Variants in GRM7 observed in about 807,000 individuals in gnomAD.
GRM7 encodes metabotropic glutamate receptor 7.
GRM7 carries 35 observed loss-of-function variants against 84.5 expected under a neutral mutation model. The ratio of observed to expected loss-of-function variants is 0.41; its 90% CI spans 0.32 to 0.55. The LOEUF (loss-of-function observed/expected upper bound fraction) is 0.55. GRM7 is among the 20% of genes least tolerant of loss of function. GRM7 has a pLI of 0.19. For missense variants in GRM7, 1,003 were observed against 1,194.6 expected (o/e 0.84, Z 2.36); for synonymous variants, 487 against 455.1 (o/e 1.07, Z -0.89).
At chr3:7,614,810 C>A (rs1342963157) in intron 8 of GRM7, among the ~76,000 whole-genome samples, 1 of 151,960 alleles carries the variant, frequency 6.6e-6, no homozygotes, top group Non-Finnish European at 1.5e-5. Context: ...TTTAGTCAAC[C>A]CCCTTCCTTA....
At chr3:7,643,653 C>G (rs1261229634) in intron 8 of GRM7, among the ~76,000 whole-genome samples, 1 of 152,040 alleles carries the variant, frequency 6.6e-6, no homozygotes, top group Non-Finnish European at 1.5e-5. Flanking sequence ...CTAACAACAC[C>G]TACAATACAG....
At chr3:7,583,272 A>G (rs1376889344) in intron 8 of GRM7, among the ~76,000 whole-genome samples, 1 of 152,188 alleles carries the variant, frequency 6.6e-6, no homozygotes, top group Non-Finnish European at 1.5e-5. Context: ...TGGGGCTGAG[A>G]ATATCGACCA....
chr3:7,323,820 C>T (rs1700879035), intron 4 of GRM7, among the ~76,000 whole-genome samples: 1 of 152,018 alleles, frequency 6.6e-6, no homozygotes, highest in African/African-American at 2.4e-5. Context: ...TATAATATGC[C>T]AGGTATTATG....
Position 7,579,240 on chromosome 3 carries a change from G to T in GRM7, c.2334G>T (p.Arg778=). ...GTACTGTGTATGCCATCAAGACTCG[G>T]GGTGTACCCGAGAATTTTAACGAAG... ...VTCTVYAIKT[R]GVPENFNEAK... The change falls in exon 8 of 10, where the codon CGG becomes CGT. Residue 778 remains arginine (R), a synonymous_variant. Transcript: ENST00000357716. 6.2e-7 allele frequency: 1 copy of T among 1,613,668 alleles called. No individual in the cohort carries two copies. The highest frequency in any genetic ancestry group is 8.5e-7 in the Non-Finnish European group (1 of 1,179,624).
intron 4 of GRM7, among the ~76,000 whole-genome samples, chr3:7,406,066 C>T (rs1695662439): frequency 6.6e-6 from 1 of 151,994 alleles, no homozygotes; most frequent in African/African-American, 2.4e-5. Context: ...GAATACACTT[C>T]TGAATACTTT....
intron 1 of GRM7, among the ~76,000 whole-genome samples, chr3:7,112,426 A>G (rs1692890238): frequency 6.6e-6 from 1 of 152,018 alleles, no homozygotes; most frequent in South Asian, 2.1e-4. Flanking sequence ...GGGTTTCACC[A>G]TGTTAGCCAG....
chr3:7,146,318 C>A, intron 1 of GRM7, 134 bp from the exon 2 acceptor site: 2 of 681,878 alleles, frequency 2.9e-6, no homozygotes, highest in East Asian at 2.6e-5. Flanking sequence ...TCTAAAATTA[C>A]ATGGTGGTGT....
In GRM7 at chr3:7,411,846, A is replaced by G. The variant is rs188758768; in HGVS notation, c.1034-3177A>G. 2.1e-3 allele frequency among the ~76,000 whole-genome samples: 327 copies of G among 152,242 alleles called. 1 individual carries two copies. Among genetic ancestry groups the G allele is most frequent in the Non-Finnish European group, 3.5e-3 (238 of 68,026 alleles). ...AGAATGGCTGGTTTTTGAAGAATGC[A>G]TATTAGCAATGTTAGTAGATAATGC... On this transcript the variant is annotated intron_variant, in intron 4 of 9. Transcript: ENST00000357716.
rs796785372 is a variant in GRM7 at position 7,103,816 on chromosome 3, T to TTCTCTC, written c.520-42628_520-42623dup. ...TTTCTTTCTTTCTTTCTTTCTTTCT[T>TTCTCTC]TCTCTCTCTCTCTGTCTCTCTCTCC... On this transcript the variant is annotated intron_variant, in intron 1 of 9. Coordinates refer to ENST00000357716, the MANE Select transcript of GRM7 (RefSeq NM_000844.4). Among the ~76,000 whole-genome samples the TTCTCTC allele has an allele frequency of 2.4e-3, 212 of 89,110 alleles. 13 individuals are homozygous for TTCTCTC. Among genetic ancestry groups the TTCTCTC allele is most frequent in the African/African-American group, 9.1e-3 (189 of 20,768 alleles). The allele number at this position is 89,110 out of a possible 152,430, so 58.5% of individuals were successfully genotyped here. A position where few individuals can be genotyped will look rare whatever the true frequency, so the allele number is the denominator to read the frequency against.
At chr3:7,227,331 A>G (rs1212330758) in intron 2 of GRM7, among the ~76,000 whole-genome samples, 2 of 152,218 alleles carry the variant, frequency 1.3e-5, no homozygotes, top group African/African-American at 4.8e-5. Context: ...TCTGTATACA[A>G]TATGTTTATT....
At chr3:7,608,128 G>T (rs62235192) in intron 8 of GRM7, 25,981 of 195,192 alleles carry the variant, frequency 0.13, 2,044 homozygotes, top group Non-Finnish European at 0.16. Flanking sequence ...TATCCACTCT[G>T]TCACTGATGG....
intron 4 of GRM7, among the ~76,000 whole-genome samples, chr3:7,321,324 A>G (rs1220366402): frequency 6.6e-6 from 1 of 152,096 alleles, no homozygotes; most frequent in Non-Finnish European, 1.5e-5. Context: ...TATAAACTTA[A>G]GTGCCTTATG....
At chr3:7,468,477 T>C (rs1191393557) in intron 7 of GRM7, among the ~76,000 whole-genome samples, 1 of 152,186 alleles carries the variant, frequency 6.6e-6, no homozygotes, top group Non-Finnish European at 1.5e-5. Context: ...CATTACATAT[T>C]AATAAATAAT....
chr3:7,455,142 A>G (rs1271802203), intron 6 of GRM7, among the ~76,000 whole-genome samples: 1 of 152,164 alleles, frequency 6.6e-6, no homozygotes, highest in Non-Finnish European at 1.5e-5. Flanking sequence ...TATAACTCAT[A>G]AAATAAATAA....
rs1461920100 is a variant in GRM7, at chr3:7,343,489, C to T, written c.1033+36837C>T. Among the ~76,000 whole-genome samples, 3 of 152,132 alleles carry T rather than the reference C, an allele frequency of 2.0e-5. No individual in the cohort carries two copies. In the East Asian group the frequency reaches 5.8e-4, roughly 29 times the overall value. On this transcript the variant is annotated intron_variant, in intron 4 of 9. Transcript: ENST00000357716. ...TTGGCATCCTAAAGTGCTGGGATTA[C>T]AGGCATAAGCCACTGCTCCTGGCCT...
At chr3:7,110,149 T>G (rs776786241) in intron 1 of GRM7, among the ~76,000 whole-genome samples, 43 of 152,090 alleles carry the variant, frequency 2.8e-4, no homozygotes, top group Non-Finnish European at 4.9e-4. Context: ...GGAAAATCAT[T>G]TAATAGCCAA....
chr3:7,495,735 A>G (rs1425911816), intron 7 of GRM7, among the ~76,000 whole-genome samples: 1 of 152,152 alleles, frequency 6.6e-6, no homozygotes, highest in Non-Finnish European at 1.5e-5. Flanking sequence ...GCATAAACCT[A>G]CCTTGAACGT....
chr3:7,461,890 A>G (rs527240339), intron 7 of GRM7, among the ~76,000 whole-genome samples, 168 bp downstream of exon 7: 1 of 152,272 alleles, frequency 6.6e-6, no homozygotes, highest in Admixed American at 6.5e-5. Flanking sequence ...AATGATGGTG[A>G]TGACGATGAT....
intron 7 of GRM7, among the ~76,000 whole-genome samples, chr3:7,496,934 A>G (rs1478096086): frequency 1.3e-5 from 2 of 152,040 alleles, no homozygotes; most frequent in Non-Finnish European, 2.9e-5. Context: ...ACTTTTATGT[A>G]AGTTTTAAAA....
Sources: gnomAD v4.1 joint callset for allele counts (sites outside exome capture counted in the v4.1 genomes callset) on GRCh38, gnomAD v4.1.1 for gene constraint, MANE v1.5 for transcripts, NCBI Gene and HGNC (gene_info 2026-07-23, HGNC 2026-07-21) for gene names.